The following ADARB2 variants were observed in gnomAD, a reference collection of about 807,000 sequenced individuals.
The protein encoded by ADARB2 is inactive double-stranded RNA-specific editase B2.
ADARB2 carries 25 observed loss-of-function variants against 62.2 expected under a neutral mutation model. The ratio of observed to expected loss-of-function variants is 0.40; its 90% CI spans 0.29 to 0.56. The LOEUF (loss-of-function observed/expected upper bound fraction) is 0.56, where lower values mean the gene tolerates loss of function less well. Ranked by LOEUF, ADARB2 falls within the 20% of genes least tolerant of loss-of-function variation. The pLI is 0.43. For synonymous variants in ADARB2, 572 were observed against 500.8 expected, an observed-to-expected ratio of 1.14 and a Z score of -1.90; for missense variants, 1,071 against 1,077.4, an observed-to-expected ratio of 0.99 and a Z score of 0.08.
chr10:1,470,366 C>T (rs7086692), intron 1 of ADARB2, among the ~76,000 whole-genome samples: 33 of 152,372 alleles, frequency 2.2e-4, no homozygotes, highest in Middle Eastern at 3.4e-3. Flanking sequence ...GCATATCCTT[C>T]GCTAAGATGC....
chr10:1,563,119 G>A (rs1388816249), intron 1 of ADARB2, among the ~76,000 whole-genome samples: 1 of 151,946 alleles, frequency 6.6e-6, no homozygotes, highest in African/African-American at 2.4e-5. Flanking sequence ...TCTCCCTAAG[G>A]TGCTGACGTG....
intron 2 of ADARB2, among the ~76,000 whole-genome samples, chr10:1,368,345 T>G (rs910509264): frequency 1.6e-4 from 24 of 152,028 alleles, no homozygotes; most frequent in Admixed American, 7.2e-4. Context: ...ATGGGACGCA[T>G]TTTGAAAACA....
chr10:1,453,737 C>T (rs912381814), intron 1 of ADARB2, among the ~76,000 whole-genome samples: 19 of 152,076 alleles, frequency 1.2e-4, no homozygotes, highest in Non-Finnish European at 1.8e-4. Flanking sequence ...ACAGCCAGTA[C>T]GCACACGGAA....
chr10:1,482,213 C>T lies in ADARB2; in HGVS notation c.101-103053G>A, dbSNP rs113879288. ...TTCCTTGGGAAAAGTAAGCATGATT[C>T]CTAACTTGCACTTGTGGGTATACGT... On this transcript the variant is annotated intron_variant, in intron 1 of 9. Transcript: ENST00000381312. 8.8e-3 allele frequency among the ~76,000 whole-genome samples: 1,339 copies of T among 152,280 alleles called. 12 individuals are homozygous for T. The highest frequency in any genetic ancestry group is 0.024 in the Middle Eastern group (7 of 294).
intron 1 of ADARB2, among the ~76,000 whole-genome samples, chr10:1,685,998 C>G (rs1209732455): frequency 6.6e-6 from 1 of 152,206 alleles, no homozygotes; most frequent in Non-Finnish European, 1.5e-5. Flanking sequence ...TCAGCCTTCC[C>G]GGACTGGCTT....
chr10:1,669,486 A>T (rs913330913), intron 1 of ADARB2, among the ~76,000 whole-genome samples: 2 of 151,994 alleles, frequency 1.3e-5, no homozygotes, highest in Admixed American at 1.3e-4. Flanking sequence ...AGACACACAC[A>T]CACTCACAGG....
chr10:1,189,088 A>G (rs1015786360), intron 8 of ADARB2, among the ~76,000 whole-genome samples: 1 of 150,966 alleles, frequency 6.6e-6, no homozygotes, highest in Non-Finnish European at 1.5e-5. Flanking sequence ...GTCACCCTCA[A>G]GGAGGTAACT....
At chr10:1,695,413 G>T (rs139988795) in intron 1 of ADARB2, among the ~76,000 whole-genome samples, 158 of 152,182 alleles carry the variant, frequency 1.0e-3, no homozygotes, top group African/African-American at 3.7e-3. Flanking sequence ...CAGTAGTGAC[G>T]GTTTTCTTCC....
intron 1 of ADARB2, among the ~76,000 whole-genome samples, chr10:1,500,459 A>T (rs1311101020): frequency 1.3e-5 from 2 of 152,262 alleles, no homozygotes; most frequent in Admixed American, 6.5e-5. Context: ...GCATGACAAA[A>T]ACAGTGGCAA....
intron 4 of ADARB2, 28 bp from the exon 5 acceptor site, chr10:1,242,327 C>T (rs373772315): frequency 6.1e-5 from 93 of 1,518,326 alleles, no homozygotes; most frequent in Middle Eastern, 3.6e-4. Context: ...ATCAGAGCAG[C>T]GTGGCCCACG....
chr10:1,285,192 T>C (rs189990292), intron 3 of ADARB2, among the ~76,000 whole-genome samples: 31 of 152,274 alleles, frequency 2.0e-4, no homozygotes, highest in African/African-American at 7.5e-4. Flanking sequence ...GATTTAGCCA[T>C]TTAGAAAATG....
At chr10:1,190,567 T>C (rs1409303315) in intron 8 of ADARB2, among the ~76,000 whole-genome samples, 2 of 152,136 alleles carry the variant, frequency 1.3e-5, no homozygotes, top group African/African-American at 4.8e-5. Flanking sequence ...AGTCTGAAGG[T>C]GTGGGCAGGG....
rs115302977 is a variant in ADARB2, at chr10:1,533,987, G to A, written c.101-154827C>T. On this transcript the variant is annotated intron_variant, in intron 1 of 9. Transcript: ENST00000381312. ...ATTACAGGATTTTAATTATTTTATG[G>A]ATATGCAGGTTGAAGAGACTGGGTT... Among the ~76,000 whole-genome samples the A allele has an allele frequency of 4.2e-3, 610 of 145,078 alleles. 8 individuals are homozygous for A. The highest frequency in any genetic ancestry group is 0.015 in the African/African-American group (590 of 40,220).
intron 1 of ADARB2, among the ~76,000 whole-genome samples, chr10:1,520,373 G>T (rs1326692501): frequency 6.6e-6 from 1 of 152,102 alleles, no homozygotes. Context: ...CTTATATCTG[G>T]CTGGTGGGGT....
At chr10:1,324,215 C>A (rs1206340605) in intron 3 of ADARB2, among the ~76,000 whole-genome samples, 1 of 152,222 alleles carries the variant, frequency 6.6e-6, no homozygotes, top group Non-Finnish European at 1.5e-5. Flanking sequence ...TGAGTCCACA[C>A]ATCACGGAAT....
At chr10:1,519,112 C>T (rs11591755) in intron 1 of ADARB2, among the ~76,000 whole-genome samples, 20,872 of 151,254 alleles carry the variant, frequency 0.14, 1,894 homozygotes, top group Non-Finnish European at 0.21. Flanking sequence ...TGTGGTCATA[C>T]GCATTCATTC....
At chr10:1,507,131 C>T (rs961707788) in intron 1 of ADARB2, among the ~76,000 whole-genome samples, 1 of 152,250 alleles carries the variant, frequency 6.6e-6, no homozygotes, top group Non-Finnish European at 1.5e-5. Context: ...TAGGGTGTTA[C>T]TCACTGATTC....
intron 3 of ADARB2, among the ~76,000 whole-genome samples, chr10:1,359,146 G>A (rs1365607596): frequency 1.3e-5 from 2 of 152,182 alleles, no homozygotes; most frequent in African/African-American, 4.8e-5. Context: ...TGAGTACCCA[G>A]TTAACCTAGA....
chr10:1,372,812 C>T (rs139441929), intron 2 of ADARB2, among the ~76,000 whole-genome samples: 3 of 152,264 alleles, frequency 2.0e-5, no homozygotes, highest in African/African-American at 4.8e-5. Context: ...ATTGCATACT[C>T]ATAGTATATT....
Sources: allele counts gnomAD v4.1 joint callset (sites outside exome capture counted in the v4.1 genomes callset), GRCh38; gene constraint gnomAD v4.1.1; transcripts MANE v1.5; gene names NCBI Gene and HGNC (gene_info 2026-07-23, HGNC 2026-07-21).